The following CLPX variants were observed in gnomAD, a reference collection of about 807,000 sequenced individuals.
The protein encoded by CLPX is caseinolytic mitochondrial matrix peptidase chaperone subunit X, also known as ATP-dependent clpX-like chaperone, mitochondrial.
A neutral mutation model predicts 76.4 loss-of-function variants in CLPX; 34 were observed. That is an observed-to-expected ratio of 0.45 (90% CI 0.34 to 0.59). The LOEUF is 0.59. CLPX is among the 20% of genes least tolerant of loss of function. CLPX has a pLI of 0.01. For missense variants in CLPX, 613 were observed against 757.0 expected (o/e 0.81, Z 2.23); for synonymous variants, 248 against 270.9 (o/e 0.92, Z 0.83).
In CLPX at chr15:65,158,733, C is replaced by A; in HGVS notation, c.734G>T (p.Gly245Val). 6.3e-7 allele frequency: 1 copy of A among 1,589,452 alleles called. No homozygotes were observed. The highest frequency in any genetic ancestry group is 2.3e-5 in the East Asian group (1 of 43,968). ...YRFTKLLQIA[G>V]ISPHGNALGA... ...TAAAGCATTACCATGTGGGCTAATT[C>A]CAGCAATCTGAAGCAATTCTGAAAA... Residue 245 changes from glycine (G) to valine (V), a missense_variant, in exon 7 of 14, where the codon GGA (glycine) becomes GTA (valine). Gly to Val is a moderately radical substitution (Grantham distance 109). Around this residue, in one of 2 missense-constraint regions of CLPX, gnomAD observed 450 missense variants for 638.6 expected, o/e 0.70. Transcript: ENST00000300107.
intron 3 of CLPX, among the ~76,000 whole-genome samples, chr15:65,170,859 G>A (rs1595943739): frequency 2.9e-5 from 3 of 105,092 alleles, no homozygotes; most frequent in South Asian, 3.2e-4. Context: ...GTCTCATTCT[G>A]TCACCCAGAC....
chr15:65,157,662 CA>C, intron 8 of CLPX, 83 bp downstream of exon 8: 1 of 1,291,414 alleles, frequency 7.7e-7, no homozygotes, highest in Non-Finnish European at 1.0e-6. Context: ...GTCCTTGACT[CA>C]AAACAAGAAT....
intron 3 of CLPX, among the ~76,000 whole-genome samples, chr15:65,169,846 C>T (rs931650349): frequency 2.6e-5 from 4 of 151,262 alleles, no homozygotes; most frequent in South Asian, 2.1e-4. Context: ...ACCTTCGCCT[C>T]GCCTCCAGGG....
At chr15:65,152,319 C>T (rs2087731671) in intron 13 of CLPX, 111 bp downstream of exon 13, 2 of 411,806 alleles carry the variant, frequency 4.9e-6, no homozygotes, top group Non-Finnish European at 8.5e-6. Context: ...TATTGCTTCC[C>T]TTAGAAATAT....
At position 65,179,033 on chromosome 15, in the gene CLPX, T is replaced by C; in HGVS notation, c.259A>G (p.Ser87Gly). ...DGNKKSASEG[S>G]SKKSGSGNSG... ...TTCCCAGAGCCTGATTTCTTACTAC[T>C]TCCCTCACTTGCTGATTTCTAACGT... The change falls in exon 3 of 14, where the codon AGT becomes GGT. Residue 87 changes from serine (S) to glycine (G), a missense_variant. Coordinates refer to ENST00000300107, the MANE Select transcript of CLPX (RefSeq NM_006660.5). The C allele has an allele frequency of 6.2e-7, 1 of 1,609,018 alleles. No homozygotes were observed. The highest frequency in any genetic ancestry group is 8.5e-7 in the Non-Finnish European group (1 of 1,176,152).
chr15:65,180,195 C>A lies in CLPX; in HGVS notation c.89G>T (p.Gly30Val), dbSNP rs1383409924. 1.9e-6 allele frequency: 3 copies of A among 1,584,320 alleles called. No individual in the cohort carries two copies. Among genetic ancestry groups the A allele is most frequent in the Non-Finnish European group, 2.6e-6 (3 of 1,166,084 alleles). ...TAAAACTGACATATGAATGCGACCA[C>A]CAGAAATACCTGAAAATAAAAGGAA... ...SLASAQRGIS[G>V]GRIHMSVLGR... Residue 30 changes from glycine (G) to valine (V), a missense_variant, in exon 2 of 14, where the codon GGT becomes GTT. Around this residue, in one of 2 missense-constraint regions of CLPX, gnomAD observed 163 missense variants for 118.4 expected, o/e 1.38. Transcript: ENST00000300107.
At chr15:65,177,323 C>T (rs976817825) in intron 3 of CLPX, among the ~76,000 whole-genome samples, 2 of 152,186 alleles carry the variant, frequency 1.3e-5, no homozygotes, top group Non-Finnish European at 2.9e-5. Context: ...CCCGCCTCGG[C>T]CTCCCAAAGT....
chr15:65,175,248 G>A (rs1007542078), intron 3 of CLPX, among the ~76,000 whole-genome samples: 2 of 152,178 alleles, frequency 1.3e-5, no homozygotes, highest in African/African-American at 4.8e-5. Flanking sequence ...CACTTTGGGA[G>A]GCCAAGGCAG....
At chr15:65,155,347 T>C (rs756449518) in intron 10 of CLPX, among the ~76,000 whole-genome samples, 3 of 152,164 alleles carry the variant, frequency 2.0e-5, no homozygotes, top group Non-Finnish European at 4.4e-5. Flanking sequence ...CCTCCTGGGT[T>C]CAAGGGATTC....
chr15:65,161,899 T>C (rs2087860257), intron 6 of CLPX, among the ~76,000 whole-genome samples: 1 of 152,248 alleles, frequency 6.6e-6, no homozygotes, highest in Non-Finnish European at 1.5e-5. Flanking sequence ...GTACACAAGT[T>C]ATATTCTCAT....
In CLPX at chr15:65,149,467, T is replaced by C; in HGVS notation, c.*1356A>G. 1 of 342,966 alleles carries C rather than the reference T, an allele frequency of 2.9e-6. No individual in the cohort carries two copies. Among genetic ancestry groups the C allele is most frequent in the Non-Finnish European group, 5.7e-6 (1 of 175,938 alleles). The allele number at this position is 342,966 out of a possible 1,614,324, so 21.2% of individuals were successfully genotyped here. On this transcript the variant is annotated 3_prime_UTR_variant, in exon 14 of 14. Transcript: ENST00000300107. The stretch of plus-strand genomic sequence containing the variant: ...TCCAGCCTGGGTGACACAGCGAGAC[T>C]CTGTCTCAAAAAAATAAAATAAAAT...
chr15:65,155,449 T>A (rs2087776311), intron 10 of CLPX, among the ~76,000 whole-genome samples: 1 of 152,184 alleles, frequency 6.6e-6, no homozygotes, highest in African/African-American at 2.4e-5. Context: ...CAGGGTTTCA[T>A]GTTGGCCAGG....
At chr15:65,177,316 G>A (rs1031599025) in intron 3 of CLPX, among the ~76,000 whole-genome samples, 9 of 152,194 alleles carry the variant, frequency 5.9e-5, no homozygotes, top group Middle Eastern at 3.4e-3. Flanking sequence ...TGATCAGCCC[G>A]CCTCGGCCTC....
chr15:65,182,268 C>T (rs1329389283), intron 1 of CLPX, among the ~76,000 whole-genome samples: 2 of 152,160 alleles, frequency 1.3e-5, no homozygotes, highest in Admixed American at 6.5e-5. Flanking sequence ...ATTTCTAACA[C>T]TTTTTGTGCC....
chr15:65,180,465 G>A (rs553047389), intron 1 of CLPX, among the ~76,000 whole-genome samples: 1 of 152,184 alleles, frequency 6.6e-6, no homozygotes, highest in Non-Finnish European at 1.5e-5. Flanking sequence ...GATCACCCAC[G>A]TCATAACTTT....
intron 3 of CLPX, among the ~76,000 whole-genome samples, chr15:65,176,109 C>G (rs1300187496): frequency 2.6e-5 from 4 of 152,172 alleles, no homozygotes; most frequent in Non-Finnish European, 5.9e-5. Context: ...CAGGCCTCAG[C>G]CTTGAATTGA....
At chr15:65,159,022 G>A (rs918907113) in intron 6 of CLPX, among the ~76,000 whole-genome samples, 4 of 152,088 alleles carry the variant, frequency 2.6e-5, no homozygotes, top group South Asian at 2.1e-4. Flanking sequence ...CTTTACCCAA[G>A]GGAAGGCAAT....
intron 3 of CLPX, among the ~76,000 whole-genome samples, chr15:65,177,666 T>C (rs1397629248): frequency 1.3e-5 from 2 of 152,232 alleles, no homozygotes; most frequent in Non-Finnish European, 2.9e-5. Context: ...GTACAATTCA[T>C]TACCATTAAC....
Position 65,163,909 on chromosome 15 carries a change from T to C in CLPX, c.673+120A>G, listed in dbSNP as rs565599154. 61 of 934,678 alleles carry C rather than the reference T, an allele frequency of 6.5e-5. No individual in the cohort carries two copies. In the South Asian group the frequency reaches 8.4e-4, roughly 13 times the overall value. The allele number at this position is 934,678 out of a possible 1,614,324, so 57.9% of individuals were successfully genotyped here. Reference sequence around the variant, plus strand: ...CATAACACACTAATGGGGAATAACCTGCACTTTGAAAAATGCCACACTATA... The same window carrying C: ...CATAACACACTAATGGGGAATAACCCGCACTTTGAAAAATGCCACACTATA... On this transcript the variant is annotated intron_variant, in intron 5 of 13. Transcript: ENST00000300107.
Sources: allele counts gnomAD v4.1 joint callset (sites outside exome capture counted in the v4.1 genomes callset), GRCh38; gene constraint gnomAD v4.1.1; regional missense constraint gnomAD v4.1.1; transcripts MANE v1.5; gene names NCBI Gene and HGNC (gene_info 2026-07-23, HGNC 2026-07-21).